The following ANKRD44 variants were observed in gnomAD, a reference collection of about 807,000 sequenced individuals.
The protein encoded by ANKRD44 is serine/threonine-protein phosphatase 6 regulatory ankyrin repeat subunit B.
A neutral mutation model predicts 116.0 loss-of-function variants in ANKRD44; 35 were observed. That is an observed-to-expected ratio of 0.30 (90% CI 0.23 to 0.40). The LOEUF is 0.40. Among genes scored for constraint, ANKRD44 ranks in the 10% least tolerant of loss-of-function variants. The probability of loss-of-function intolerance (pLI) is 1.00; values close to 1 mark genes in which losing one functional copy is unlikely to be tolerated. For synonymous variants in ANKRD44, 435 were observed against 461.8 expected, an observed-to-expected ratio of 0.94 and a Z score of 0.74; for missense variants, 1,014 against 1,242.6, an observed-to-expected ratio of 0.82 and a Z score of 2.77.
intron 15 of ANKRD44, among the ~76,000 whole-genome samples, chr2:197,079,971 G>A (rs1304353314): frequency 6.6e-6 from 1 of 151,800 alleles, no homozygotes; most frequent in African/African-American, 2.4e-5. Context: ...ACTATTCTTA[G>A]AGTCTTGCTA....
At chr2:197,036,534 C>T (rs773499488) in intron 16 of ANKRD44, among the ~76,000 whole-genome samples, 3 of 152,100 alleles carry the variant, frequency 2.0e-5, no homozygotes, top group Non-Finnish European at 4.4e-5. Context: ...GGATTATAGG[C>T]GGTCTATGCA....
Position 197,177,853 on chromosome 2 carries a change from T to C in ANKRD44, c.111+9170A>G, listed in dbSNP as rs958643545. On this transcript the variant is annotated intron_variant, in intron 2 of 27. Transcript: ENST00000282272. ...ATCTTGAAGAGCTTACCTTTCAATA[T>C]GTAATAAATACATATGCAGATAAAT... Among the ~76,000 whole-genome samples the C allele has an allele frequency of 3.9e-5, 6 of 152,226 alleles. No homozygotes were observed. The East Asian group carries it at 1.2e-3, about 29-fold the overall frequency.
At chr2:197,052,012 G>T (rs566038064) in intron 16 of ANKRD44, among the ~76,000 whole-genome samples, 18 of 152,216 alleles carry the variant, frequency 1.2e-4, no homozygotes, top group Admixed American at 9.8e-4. Flanking sequence ...GTTACCATCC[G>T]GGCAGTGCAG....
intron 27 of ANKRD44, chr2:196,990,079 C>T (rs1463491484): frequency 3.0e-6 from 3 of 1,009,034 alleles, no homozygotes; most frequent in East Asian, 2.0e-4. Context: ...ATTCATCTGG[C>T]AACTTTAACA....
rs2078011546 is a variant in ANKRD44 at position 197,090,227 on chromosome 2, GAATCAAAACCATAATTAAA to G, written c.1101-214_1101-196del. On this transcript the variant is annotated intron_variant, in intron 10 of 27. Transcript: ENST00000282272. ...TTCTACCTTAAAATAATAAATGCCTGAATCAAAACCATAATTAAAAGCCCATTACCATAGGAATGTATAT... is the reference window on the plus strand; with the variant it reads ...TTCTACCTTAAAATAATAAATGCCTGAGCCCATTACCATAGGAATGTATAT... Among the ~76,000 whole-genome samples the G allele has an allele frequency of 3.9e-5, 6 of 152,226 alleles. No homozygotes were observed. In the South Asian group the frequency reaches 8.3e-4, roughly 21 times the overall value.
chr2:197,309,346 A>C (rs2084169227), intron 1 of ANKRD44, among the ~76,000 whole-genome samples: 1 of 152,222 alleles, frequency 6.6e-6, no homozygotes, highest in African/African-American at 2.4e-5. Context: ...TTTAACAATA[A>C]CATGAATTTT....
intron 21 of ANKRD44, among the ~76,000 whole-genome samples, 163 bp downstream of exon 21, chr2:197,005,531 A>C (rs2076186155): frequency 1.3e-5 from 2 of 152,184 alleles, no homozygotes; most frequent in Admixed American, 1.3e-4. Flanking sequence ...GAGGGGTGAG[A>C]ACTATTAAAA....
chr2:197,062,249 A>G (rs1310008050), intron 16 of ANKRD44, among the ~76,000 whole-genome samples: 1 of 152,214 alleles, frequency 6.6e-6, no homozygotes, highest in African/African-American at 2.4e-5. Flanking sequence ...GAGCCTAGGA[A>G]AAACAGCACC....
intron 1 of ANKRD44, among the ~76,000 whole-genome samples, chr2:197,192,251 G>A (rs970506372): frequency 6.6e-6 from 1 of 152,158 alleles, no homozygotes; most frequent in African/African-American, 2.4e-5. Context: ...TTGAGCATTG[G>A]TAACTACAGT....
At chr2:197,197,809 C>CAAAAAAAAAAAAAAAAAAAA (rs199994103) in intron 1 of ANKRD44, among the ~76,000 whole-genome samples, 5 of 114,164 alleles carry the variant, frequency 4.4e-5, no homozygotes, top group Non-Finnish European at 5.0e-5. Context: ...AATCCTGTCT[C>CAAAAAAAAAAAAAAAAAAAA]AAAAAAAAAA....
At chr2:197,202,066 C>T (rs1009955027) in intron 1 of ANKRD44, among the ~76,000 whole-genome samples, 1 of 152,188 alleles carries the variant, frequency 6.6e-6, no homozygotes, top group Non-Finnish European at 1.5e-5. Context: ...TAGAAGTGGA[C>T]TTGGTGAAAG....
intron 2 of ANKRD44, among the ~76,000 whole-genome samples, chr2:197,156,976 T>C (rs2079834322): frequency 6.6e-6 from 1 of 152,146 alleles, no homozygotes; most frequent in Admixed American, 6.5e-5. Flanking sequence ...AGGGAGGGAT[T>C]TGAAAGGGGA....
intron 16 of ANKRD44, among the ~76,000 whole-genome samples, chr2:197,026,084 A>G (rs2076589809): frequency 1.3e-5 from 2 of 148,194 alleles, no homozygotes; most frequent in South Asian, 4.3e-4. Flanking sequence ...CAATTTGTGC[A>G]TATCTTTTGA....
chr2:197,020,025 A>G (rs2076467365), intron 17 of ANKRD44, among the ~76,000 whole-genome samples: 1 of 152,128 alleles, frequency 6.6e-6, no homozygotes, highest in African/African-American at 2.4e-5. Context: ...CATGTTGGCC[A>G]GGCTGGTCTC....
At chr2:197,097,753 C>T (rs568527579) in intron 10 of ANKRD44, among the ~76,000 whole-genome samples, 41 of 152,270 alleles carry the variant, frequency 2.7e-4, no homozygotes, top group Admixed American at 2.3e-3. Flanking sequence ...GCTATCAGAG[C>T]GAACTTTCTT....
At chr2:197,022,555 C>T (rs2076517877) in intron 17 of ANKRD44, among the ~76,000 whole-genome samples, 1 of 152,220 alleles carries the variant, frequency 6.6e-6, no homozygotes, top group South Asian at 2.1e-4. Context: ...CACCACTCTG[C>T]TCCAGCCACA....
At chr2:197,172,715 C>T (rs368168740) in intron 2 of ANKRD44, among the ~76,000 whole-genome samples, 4 of 152,138 alleles carry the variant, frequency 2.6e-5, no homozygotes, top group Admixed American at 6.5e-5. Context: ...CAGGTGCCCA[C>T]GACCACACCC....
At chr2:196,994,807 G>T (rs1198401028) in intron 26 of ANKRD44, 1 of 152,588 alleles carries the variant, frequency 6.6e-6, no homozygotes, top group African/African-American at 2.4e-5. Context: ...AAAGGCATGA[G>T]CCACCACGCC....
At chr2:197,204,143 T>C (rs2081153677) in intron 1 of ANKRD44, among the ~76,000 whole-genome samples, 1 of 152,204 alleles carries the variant, frequency 6.6e-6, no homozygotes, top group African/African-American at 2.4e-5. Flanking sequence ...AATATTTTAC[T>C]TATTAAAATT....
Sources: allele counts gnomAD v4.1 joint callset (sites outside exome capture counted in the v4.1 genomes callset), GRCh38; gene constraint gnomAD v4.1.1; transcripts MANE v1.5; gene names NCBI Gene and HGNC (gene_info 2026-07-23, HGNC 2026-07-21).